Variants in CENPP observed in about 807,000 individuals in gnomAD.
CENPP encodes centromere protein P.
Under a neutral mutation model 35.6 loss-of-function variants are expected in CENPP, and 24 were observed. The ratio of observed to expected loss-of-function variants is 0.67; its 90% CI spans 0.49 to 0.95. The LOEUF is 0.95. Ranked by LOEUF, CENPP falls within the 40% of genes least tolerant of loss-of-function variation. CENPP has a pLI of 0.00. For missense variants in CENPP, 332 were observed against 345.3 expected, an observed-to-expected ratio of 0.96 and a Z score of 0.31; for synonymous variants, 120 against 125.5, an observed-to-expected ratio of 0.96 and a Z score of 0.29.
At chr9:92,348,492 A>G (rs1841360645) in intron 4 of CENPP, among the ~76,000 whole-genome samples, 1 of 151,318 alleles carries the variant, frequency 6.6e-6, no homozygotes, top group African/African-American at 2.4e-5. Context: ...TCCCGGGTTC[A>G]AGTAAATTTC....
chr9:92,416,070 ATTTATTTATTTATT>A (rs1374257710), intron 5 of CENPP, among the ~76,000 whole-genome samples: 1 of 131,326 alleles, frequency 7.6e-6, no homozygotes, highest in Admixed American at 8.2e-5. Context: ...ATATATATAT[ATTTATTTATTTATT>A]TATTTATTTA....
intron 5 of CENPP, among the ~76,000 whole-genome samples, chr9:92,570,661 T>TTTGTA (rs1223546927): frequency 3.3e-5 from 5 of 152,344 alleles, no homozygotes; most frequent in Middle Eastern, 6.8e-3. Flanking sequence ...TGGTACCAGC[T>TTTGTA]CCTCTTTGTA....
chr9:92,434,052 T>C (rs1026418527), intron 5 of CENPP, among the ~76,000 whole-genome samples: 4 of 152,136 alleles, frequency 2.6e-5, no homozygotes, highest in African/African-American at 9.7e-5. Flanking sequence ...TGAGCCAAGA[T>C]TGAAGTCAGT....
chr9:92,405,574 T>G (rs1843283163), intron 5 of CENPP, among the ~76,000 whole-genome samples: 1 of 152,188 alleles, frequency 6.6e-6, no homozygotes, highest in Admixed American at 6.5e-5. Context: ...ATTGTTGGTT[T>G]TATGGCTTCA....
In CENPP at chr9:92,326,075, C is replaced by T. The variant is rs1840478819; in HGVS notation, c.77C>T (p.Pro26Leu). 1.3e-6 allele frequency: 2 copies of T among 1,559,606 alleles called. No homozygotes were observed. Among genetic ancestry groups the T allele is most frequent in the Non-Finnish European group, 1.7e-6 (2 of 1,152,114 alleles). Residue 26 changes from proline (P) to leucine (L), a missense_variant, in exon 1 of 8, where the codon CCG becomes CTG. Coordinates refer to ENST00000375587, the MANE Select transcript of CENPP (RefSeq NM_001012267.3). ...CTGCGGCGAGCGTGTGAGGACCCAC[C>T]GGCGCCCTGGGAAGAGAAGTCCCGA... ...AALRRACEDP[P>L]APWEEKSRVQ... is the part of the protein sequence containing the mutation.
intron 5 of CENPP, among the ~76,000 whole-genome samples, chr9:92,594,402 G>A (rs180859609): frequency 1.2e-3 from 182 of 152,206 alleles, no homozygotes; most frequent in African/African-American, 4.1e-3. Flanking sequence ...GGTACAGCAC[G>A]GCGTGTCTGA....
At chr9:92,485,242 TTCCTAAAGGGG>T (rs1217060458) in intron 5 of CENPP, among the ~76,000 whole-genome samples, 5 of 152,234 alleles carry the variant, frequency 3.3e-5, no homozygotes, top group African/African-American at 1.2e-4. Context: ...CCATTTTTGT[TTCCTAAAGGGG>T]TCCTATGGAG....
At chr9:92,504,293 T>C (rs1846860262) in intron 5 of CENPP, among the ~76,000 whole-genome samples, 1 of 152,148 alleles carries the variant, frequency 6.6e-6, no homozygotes, top group African/African-American at 2.4e-5. Flanking sequence ...CATAACTCTG[T>C]CACTTAATCT....
Position 92,345,686 on chromosome 9 carries a change from A to C in CENPP, c.379-13A>C, listed in dbSNP as rs1304773660. The C allele has an allele frequency of 6.8e-7, 1 of 1,460,372 alleles. No individual in the cohort carries two copies. The highest frequency in any genetic ancestry group is 1.4e-5 in the African/African-American group (1 of 71,038). 90.5% of individuals were successfully genotyped at this position (1,460,372 alleles called of 1,614,324 possible). On this transcript the variant is annotated splice_polypyrimidine_tract_variant and intron_variant, in intron 3 of 7. Coordinates refer to ENST00000375587, the MANE Select transcript of CENPP (RefSeq NM_001012267.3). ...ACTGTGCTTTGATACAGAAATTTTT[A>C]TCTTTATTTTAGAATAAGGAGAGAT...
chr9:92,444,786 G>A (rs574110650), intron 5 of CENPP, among the ~76,000 whole-genome samples: 1 of 152,152 alleles, frequency 6.6e-6, no homozygotes, highest in African/African-American at 2.4e-5. Context: ...GCGTGTGCAA[G>A]CTGGTGCATG....
chr9:92,382,890 T>C (rs1326638971), intron 5 of CENPP, among the ~76,000 whole-genome samples: 11 of 142,692 alleles, frequency 7.7e-5, no homozygotes, highest in African/African-American at 2.8e-4. Context: ...CACACTGTTT[T>C]CCTTTTTTTT....
At chr9:92,546,759 G>A (rs190288359) in intron 5 of CENPP, among the ~76,000 whole-genome samples, 32 of 152,216 alleles carry the variant, frequency 2.1e-4, no homozygotes, top group African/African-American at 7.2e-4. Context: ...TTTTATGCTA[G>A]TAAATTGATA....
Position 92,612,509 on chromosome 9 carries a change from T to C in CENPP, c.645-14T>C. On this transcript the variant is annotated splice_polypyrimidine_tract_variant and intron_variant, in intron 6 of 7. Coordinates refer to ENST00000375587, the MANE Select transcript of CENPP (RefSeq NM_001012267.3). ...TCAAAAAGCACATAACGACATGTTT[T>C]ACTGCTTTTTCAGGTTTGAATTAGT... 6.3e-7 allele frequency: 1 copy of C among 1,598,652 alleles called. No homozygotes were observed. Among genetic ancestry groups the C allele is most frequent in the South Asian group, 1.1e-5 (1 of 90,788 alleles).
chr9:92,388,799 TC>T (rs1448489489), intron 5 of CENPP, among the ~76,000 whole-genome samples: 1 of 135,562 alleles, frequency 7.4e-6, no homozygotes, highest in East Asian at 2.2e-4. Flanking sequence ...GCCACTGCAC[TC>T]CAGCCTGGGT....
At chr9:92,490,815 A>C (rs1188072988) in intron 5 of CENPP, among the ~76,000 whole-genome samples, 2 of 152,236 alleles carry the variant, frequency 1.3e-5, no homozygotes, top group African/African-American at 4.8e-5. Flanking sequence ...CAGAAATGTT[A>C]ATAACATAAA....
intron 5 of CENPP, among the ~76,000 whole-genome samples, chr9:92,424,755 A>T (rs535856958): frequency 6.6e-6 from 1 of 152,002 alleles, no homozygotes; most frequent in Non-Finnish European, 1.5e-5. Flanking sequence ...GCTCACCACA[A>T]CCTCCACCTC....
intron 5 of CENPP, among the ~76,000 whole-genome samples, chr9:92,395,773 G>A (rs1459351788): frequency 6.6e-6 from 1 of 150,388 alleles, no homozygotes; most frequent in Non-Finnish European, 1.5e-5. Context: ...AATGATGTTA[G>A]CATCTTTTCA....
At position 92,552,089 on chromosome 9, in the gene CENPP, GATA is replaced by G. The variant is rs1488464023; in HGVS notation, c.565-59224_565-59222del. On this transcript the variant is annotated intron_variant, in intron 5 of 7. Transcript: ENST00000375587. The stretch of plus-strand genomic sequence containing the variant: ...GATATGATAGATCTATCATATATGT[GATA>G]TGATAGATCTATCATATATATGTGA... Among the ~76,000 whole-genome samples, 4 of 136,514 alleles carry G rather than the reference GATA, an allele frequency of 2.9e-5. No homozygotes were observed. The East Asian group carries it at 6.3e-4, about 21-fold the overall frequency. The allele number at this position is 136,514 out of a possible 152,430, so 89.6% of individuals were successfully genotyped here. A position where few individuals can be genotyped will look rare whatever the true frequency, so the allele number is the denominator to read the frequency against.
At chr9:92,561,439 T>C (rs542673749) in intron 5 of CENPP, among the ~76,000 whole-genome samples, 17 of 152,270 alleles carry the variant, frequency 1.1e-4, no homozygotes, top group African/African-American at 3.8e-4. Context: ...ATATAGTGAG[T>C]TTATATTATG....
Sources: allele counts gnomAD v4.1 joint callset (sites outside exome capture counted in the v4.1 genomes callset), GRCh38; gene constraint gnomAD v4.1.1; transcripts MANE v1.5; gene names NCBI Gene and HGNC (gene_info 2026-07-23, HGNC 2026-07-21).